The following ATG7 variants were observed in gnomAD, a reference collection of about 807,000 sequenced individuals.
ATG7 encodes the protein ubiquitin-like modifier-activating enzyme ATG7.
A neutral mutation model predicts 82.4 loss-of-function variants in ATG7; 70 were observed. The observed-to-expected ratio is 0.85, with a 90% CI of 0.70 to 1.04. ATG7 has a LOEUF of 1.04. Among genes scored for constraint, ATG7 ranks in the 50% least tolerant of loss-of-function variants. The pLI, the probability that ATG7 is intolerant of heterozygous loss-of-function variation, is 0.00. For missense variants in ATG7, 792 were observed against 864.3 expected, an observed-to-expected ratio of 0.92 and a Z score of 1.05; for synonymous variants, 287 against 313.0, an observed-to-expected ratio of 0.92 and a Z score of 0.88.
intron 20 of ATG7, chr3:11,529,561 GA>G (rs1386606711): frequency 4.5e-5 from 7 of 154,518 alleles, no homozygotes; most frequent in African/African-American, 1.7e-4. Context: ...TCATGAGGGA[GA>G]CTTGTTAAAT....
chr3:11,306,427 G>A (rs1405920224), intron 5 of ATG7, among the ~76,000 whole-genome samples: 3 of 152,204 alleles, frequency 2.0e-5, no homozygotes, highest in Non-Finnish European at 2.9e-5. Context: ...ATAGCTTTCC[G>A]GAAGAGGAGA....
At chr3:11,563,625 T>C in the ATG7 span, among the ~76,000 whole-genome samples, 1 of 152,190 alleles carries the variant, frequency 6.6e-6, no homozygotes, top group Non-Finnish European at 1.5e-5. Context: ...TGAACAGCAG[T>C]GATAACTTGG....
chr3:11,396,118 G>GAA (rs1553641953), intron 19 of ATG7, among the ~76,000 whole-genome samples: 3,747 of 144,424 alleles, frequency 0.026, 157 homozygotes, highest in African/African-American at 0.088. Flanking sequence ...AGAAGTATAG[G>GAA]AAAAAAAAAA....
chr3:11,541,715 C>T (rs557646378), intron 20 of ATG7, among the ~76,000 whole-genome samples: 1 of 152,322 alleles, frequency 6.6e-6, no homozygotes, highest in African/African-American at 2.4e-5. Flanking sequence ...TCCTCCTCCT[C>T]TTCTCCCTCT....
chr3:11,330,027 T>C (rs537450092), intron 9 of ATG7, among the ~76,000 whole-genome samples: 115 of 152,334 alleles, frequency 7.5e-4, no homozygotes, highest in Non-Finnish European at 1.5e-3. Flanking sequence ...GAATGTCCCT[T>C]AATTTGCATT....
chr3:11,551,346 A>G (rs553969882), intron 20 of ATG7, among the ~76,000 whole-genome samples: 1 of 152,280 alleles, frequency 6.6e-6, no homozygotes, highest in East Asian at 1.9e-4. Flanking sequence ...TCCAGAAAAC[A>G]TTTGTTAACT....
chr3:11,490,462 T>A (rs934695529), intron 20 of ATG7, among the ~76,000 whole-genome samples: 4 of 152,316 alleles, frequency 2.6e-5, no homozygotes, highest in Admixed American at 1.3e-4. Flanking sequence ...GAGCATTTAG[T>A]CCATTTATAT....
chr3:11,311,752 A>T (rs1051434656), intron 7 of ATG7, among the ~76,000 whole-genome samples: 2 of 151,936 alleles, frequency 1.3e-5, no homozygotes, highest in Admixed American at 1.3e-4. Flanking sequence ...GTTTTTTAGG[A>T]CTCATAGGAC....
chr3:11,530,105 C>T (rs2092665762), intron 20 of ATG7, among the ~76,000 whole-genome samples: 1 of 152,166 alleles, frequency 6.6e-6, no homozygotes, highest in Non-Finnish European at 1.5e-5. Context: ...TGGTTGCAGG[C>T]AGGCCTGAGA....
In ATG7 at chr3:11,426,913, C is replaced by G; in HGVS notation, c.2066C>G (p.Thr689Ser). Residue 689 changes from threonine (T) to serine (S), a missense_variant, in exon 20 of 21, where the codon ACC becomes AGC. Physicochemically the swap from Thr to Ser is moderately conservative, Grantham distance 58. Transcript: ENST00000693202. ...LTGLTLLHQE[T>S]QAAEIWDMSD... Reference sequence around the variant, plus strand: ...GGTCTTACATTGCTGCATCAAGAAACCCAAGCTGCTGAGGTAAGAACAAAA... The same window carrying G: ...GGTCTTACATTGCTGCATCAAGAAAGCCAAGCTGCTGAGGTAAGAACAAAA... 1 of 1,603,368 alleles carries G rather than the reference C, an allele frequency of 6.2e-7. No individual in the cohort carries two copies. Among genetic ancestry groups the G allele is most frequent in the Non-Finnish European group, 8.5e-7 (1 of 1,176,154 alleles).
chr3:11,358,511 C>T lies in ATG7; in HGVS notation c.1378C>T (p.Gln460Ter). ...TLEQARRDVEQLEQLIESHDV... is the reference protein window; with the variant it reads ...TLEQARRDVE ...GGAGCAAGCCCGCAGAGATGTGGAGCAACTGGAGCAGCTCATCGAAAGCCA... is the reference window on the plus strand; with the variant it reads ...GGAGCAAGCCCGCAGAGATGTGGAGTAACTGGAGCAGCTCATCGAAAGCCA... The change falls in exon 15 of 21, where the codon CAA (glutamine) becomes TAA (stop). Residue 460 changes from glutamine to a stop codon, truncating the protein, a stop_gained. Coordinates refer to ENST00000693202, the MANE Select transcript of ATG7 (RefSeq NM_001349232.2). LOFTEE classifies it high-confidence loss of function. 1 of 1,614,130 alleles carries T rather than the reference C, an allele frequency of 6.2e-7. No individual in the cohort carries two copies.
intron 18 of ATG7, among the ~76,000 whole-genome samples, chr3:11,368,037 C>T (rs1324320515): frequency 2.0e-5 from 3 of 151,618 alleles, no homozygotes; most frequent in Non-Finnish European, 4.4e-5. Flanking sequence ...ATTATTGCAT[C>T]CTTCCTATAG....
intron 19 of ATG7, among the ~76,000 whole-genome samples, chr3:11,407,051 G>C (rs935918356): frequency 1.1e-4 from 17 of 152,184 alleles, no homozygotes; most frequent in African/African-American, 4.1e-4. Flanking sequence ...AGTCTCTTCT[G>C]AGACAAGGCA....
At chr3:11,551,538 C>T (rs1264105719) in intron 20 of ATG7, among the ~76,000 whole-genome samples, 5 of 152,132 alleles carry the variant, frequency 3.3e-5, no homozygotes, top group Non-Finnish European at 5.9e-5. Flanking sequence ...TTCTGTACAT[C>T]CGATGTTAGG....
intron 19 of ATG7, among the ~76,000 whole-genome samples, chr3:11,389,737 C>A (rs1215366785): frequency 6.6e-6 from 1 of 152,160 alleles, no homozygotes; most frequent in Admixed American, 6.5e-5. Context: ...TATGTGCAGC[C>A]TCCCACGAGG....
intron 20 of ATG7, among the ~76,000 whole-genome samples, chr3:11,551,038 T>C (rs769051026): frequency 3.9e-5 from 6 of 152,344 alleles, no homozygotes; most frequent in Non-Finnish European, 7.3e-5. Context: ...CTTCTCTTCA[T>C]ATCAGTTTTT....
At chr3:11,416,608 T>C (rs1260553297) in intron 19 of ATG7, among the ~76,000 whole-genome samples, 2 of 152,182 alleles carry the variant, frequency 1.3e-5, no homozygotes, top group African/African-American at 4.8e-5. Context: ...TTTATCTTAG[T>C]CTAATTGGAG....
intron 19 of ATG7, among the ~76,000 whole-genome samples, chr3:11,399,159 C>G (rs2079575045): frequency 6.6e-6 from 1 of 152,078 alleles, no homozygotes; most frequent in Admixed American, 6.5e-5. Context: ...ACCAGCCTGG[C>G]CAACATGGTG....
chr3:11,399,392 AGTTCAAT>A (rs1273481042), intron 19 of ATG7, among the ~76,000 whole-genome samples: 10 of 152,320 alleles, frequency 6.6e-5, no homozygotes, highest in East Asian at 3.9e-4. Flanking sequence ...ATAAATTTAT[AGTTCAAT>A]GTTAAAAAAC....
Sources: gnomAD v4.1 joint callset for allele counts (sites outside exome capture counted in the v4.1 genomes callset) on GRCh38, gnomAD v4.1.1 for gene constraint, MANE v1.5 for transcripts, NCBI Gene and HGNC (gene_info 2026-07-23, HGNC 2026-07-21) for gene names.